Variants in RFT1 observed in about 807,000 individuals in gnomAD.
RFT1 encodes the protein RFT1 glycolipid translocator homolog.
RFT1 carries 43 observed loss-of-function variants against 62.2 expected under a neutral mutation model. The observed-to-expected ratio is 0.69, with a 90% CI of 0.54 to 0.89. The LOEUF (loss-of-function observed/expected upper bound fraction) is 0.89. Among genes scored for constraint, RFT1 ranks in the 40% least tolerant of loss-of-function variants. RFT1 has a pLI of 0.00. For synonymous variants in RFT1, 262 were observed against 264.6 expected (o/e 0.99, Z 0.10); for missense variants, 605 against 649.9 (o/e 0.93, Z 0.75).
intron 5 of RFT1, 59 bp from the exon 6 acceptor site, chr3:53,120,080 G>A: frequency 2.1e-6 from 3 of 1,429,378 alleles, no homozygotes; most frequent in Admixed American, 2.2e-5. Flanking sequence ...CTATAAATTT[G>A]ATCTCAAAGG....
intron 11 of RFT1, among the ~76,000 whole-genome samples, chr3:53,094,403 A>G (rs368274702): frequency 6.6e-6 from 1 of 151,944 alleles, no homozygotes; most frequent in Non-Finnish European, 1.5e-5. Context: ...ACACAATACT[A>G]TACTCCAACA....
At position 53,122,247 on chromosome 3, in the gene RFT1, T is replaced by C; in HGVS notation, c.456+127A>G. 1.3e-5 allele frequency: 12 copies of C among 942,038 alleles called. 2 individuals are homozygous for C. The South Asian group carries it at 1.7e-4, about 13-fold the overall frequency. The allele number at this position is 942,038 out of a possible 1,614,324, so 58.4% of individuals were successfully genotyped here. ...AAGAACTTAACTGACCATGTTATCT[T>C]TTTCTAAATACATTTTTAGGTGCAA... On this transcript the variant is annotated intron_variant, in intron 4 of 12. Transcript: ENST00000296292.
chr3:53,123,826 T>A lies in RFT1; in HGVS notation c.164A>T (p.Tyr55Phe), dbSNP rs1202222714. 1 of 1,613,700 alleles carries A rather than the reference T, an allele frequency of 6.2e-7. No individual in the cohort carries two copies. ...TCTGGCCAGGAAGAGGGTGGTTGAG[T>A]AAAGCAGCGTTAGTCTGTAAATGAA... Reference protein sequence around the residue: ...GVVNVRLTLLYSTTLFLAREA... With the variant: ...GVVNVRLTLLFSTTLFLAREA... Residue 55 changes from tyrosine to phenylalanine, a missense_variant, in exon 3 of 13, where the codon TAC (tyrosine) becomes TTC (phenylalanine). Tyr to Phe is a conservative substitution (Grantham distance 22, BLOSUM62 3). Transcript: ENST00000296292.
chr3:53,102,353 G>A (rs1396593972), intron 10 of RFT1, among the ~76,000 whole-genome samples: 1 of 152,226 alleles, frequency 6.6e-6, no homozygotes, highest in East Asian at 1.9e-4. Context: ...GTGGTACTTT[G>A]TCATGGCAGC....
chr3:53,127,366 C>G (rs537209583), intron 1 of RFT1, among the ~76,000 whole-genome samples: 1 of 151,742 alleles, frequency 6.6e-6, no homozygotes, highest in African/African-American at 2.4e-5. Context: ...TTAAAAGGAT[C>G]AAAAGAGATT....
At chr3:53,126,613 A>C (rs1318457788) in intron 1 of RFT1, among the ~76,000 whole-genome samples, 1 of 152,214 alleles carries the variant, frequency 6.6e-6, no homozygotes, top group African/African-American at 2.4e-5. Flanking sequence ...ATGATGCTGC[A>C]AAAATAAGAT....
Position 53,122,378 on chromosome 3 carries a change from A to C in RFT1, c.452T>G (p.Leu151Arg). 1.2e-6 allele frequency: 2 copies of C among 1,613,900 alleles called. No individual in the cohort carries two copies. The highest frequency in any genetic ancestry group is 1.7e-6 in the Non-Finnish European group (2 of 1,179,828). Reference protein sequence around the residue: ...VLAQAHMFVKLKVIAESLSVI... With the variant: ...VLAQAHMFVKRKVIAESLSVI... The stretch of plus-strand genomic sequence containing the variant: ...CACAGCAGAAGGTGCACTGACCTTG[A>C]GCTTCACAAACATATGTGCTTGTGC... The change falls in exon 4 of 13, where the codon CTC becomes CGC. Residue 151 changes from leucine (L) to arginine (R), a missense_variant. Leu to Arg is a moderately radical substitution (Grantham distance 102, BLOSUM62 -2). Transcript: ENST00000296292.
intron 7 of RFT1, among the ~76,000 whole-genome samples, chr3:53,108,114 T>C (rs966394021): frequency 3.3e-5 from 5 of 152,216 alleles, no homozygotes; most frequent in African/African-American, 7.2e-5. Flanking sequence ...AGTGGCGCGA[T>C]CTCAGCTCAC....
intron 10 of RFT1, among the ~76,000 whole-genome samples, chr3:53,102,807 A>T (rs1701355894): frequency 6.6e-6 from 1 of 152,178 alleles, no homozygotes; most frequent in Non-Finnish European, 1.5e-5. Flanking sequence ...CCACTTTCAA[A>T]ACTAAGATGA....
At chr3:53,128,896 A>C (rs1412737985) in intron 1 of RFT1, among the ~76,000 whole-genome samples, 1 of 152,264 alleles carries the variant, frequency 6.6e-6, no homozygotes, top group Non-Finnish European at 1.5e-5. Context: ...ACAGGAAGCA[A>C]GACTGAGGGT....
chr3:53,085,946 T>G (rs1286039167), downstream of RFT1: 1 of 152,218 alleles, frequency 6.6e-6, no homozygotes, highest in Non-Finnish European at 1.5e-5. Flanking sequence ...CCAATTGTGC[T>G]CTGATACACC....
rs542117380 is a variant in RFT1 at position 53,099,362 on chromosome 3, T to C, written c.1208+19A>G. The C allele has an allele frequency of 2.1e-4, 332 of 1,590,388 alleles. 3 individuals are homozygous for C. The South Asian group carries it at 3.3e-3, about 16-fold the overall frequency. On this transcript the variant is annotated intron_variant, in intron 11 of 12. Transcript: ENST00000296292. ...TGGCTGAAGGCCATGATTAAAGGTG[T>C]ACCTGCTAGGTTACCCACCTGTCGA...
chr3:53,086,640 G>A (rs1700861478), downstream of RFT1, among the ~76,000 whole-genome samples: 1 of 152,092 alleles, frequency 6.6e-6, no homozygotes, highest in African/African-American at 2.4e-5. Flanking sequence ...CTAGTCCATT[G>A]TGTTTCATTG....
chr3:53,073,786 T>C, the RFT1 span, among the ~76,000 whole-genome samples: 3 of 152,098 alleles, frequency 2.0e-5, no homozygotes, highest in East Asian at 1.9e-4. Context: ...AGAGCCAGTA[T>C]ACCCAATGCT....
downstream of RFT1, among the ~76,000 whole-genome samples, chr3:53,086,231 A>G (rs1210222735): frequency 6.6e-6 from 1 of 152,190 alleles, no homozygotes; most frequent in Admixed American, 6.5e-5. Context: ...TTAAATACAC[A>G]AGTCTCAGTT....
At chr3:53,119,555 C>G (rs1161495001) in intron 6 of RFT1, among the ~76,000 whole-genome samples, 1 of 152,138 alleles carries the variant, frequency 6.6e-6, no homozygotes, top group Non-Finnish European at 1.5e-5. Context: ...CAATTTTGTC[C>G]CCCAGGGGAC....
the RFT1 span, among the ~76,000 whole-genome samples, chr3:53,070,393 G>GGTTTTTTTTTTTTTTTTTTTTTTT: frequency 2.3e-5 from 2 of 85,448 alleles, no homozygotes; most frequent in Non-Finnish European, 2.3e-5. Context: ...CTGTATTATG[G>GGTTTTTTTTTTTTTTTTTTTTTTT]TTTTTTTTTT....
chr3:53,087,036 C>G (rs1349366180), downstream of RFT1, among the ~76,000 whole-genome samples: 4 of 152,094 alleles, frequency 2.6e-5, no homozygotes, highest in African/African-American at 9.7e-5. Context: ...TCAGGAGTTC[C>G]AGACCAGCCT....
chr3:53,120,789 T>C (rs1575501126), intron 5 of RFT1, among the ~76,000 whole-genome samples: 1 of 152,172 alleles, frequency 6.6e-6, no homozygotes, highest in Non-Finnish European at 1.5e-5. Context: ...GCTGCTCCTG[T>C]AGTAAAGGCA....
Sources: allele counts gnomAD v4.1 joint callset (sites outside exome capture counted in the v4.1 genomes callset), GRCh38; gene constraint gnomAD v4.1.1; transcripts MANE v1.5; gene names NCBI Gene and HGNC (gene_info 2026-07-23, HGNC 2026-07-21).